TNFRSF21: variants seen among roughly 807,000 people sequenced by gnomAD.
TNFRSF21 encodes the protein TNF receptor superfamily member 21, also known as tumor necrosis factor receptor superfamily member 21.
A neutral mutation model predicts 45.6 loss-of-function variants in TNFRSF21; 19 were observed. The observed-to-expected ratio is 0.42, with a 90% CI of 0.29 to 0.61. The LOEUF is 0.61. TNFRSF21 is among the 20% of genes least tolerant of loss of function. The pLI is 0.23. For synonymous variants in TNFRSF21, 314 were observed against 335.5 expected, an observed-to-expected ratio of 0.94 and a Z score of 0.70; for missense variants, 737 against 851.5, an observed-to-expected ratio of 0.87 and a Z score of 1.67.
At chr6:47,262,380 G>A (rs1765086254) in intron 3 of TNFRSF21, among the ~76,000 whole-genome samples, 1 of 152,192 alleles carries the variant, frequency 6.6e-6, no homozygotes. Context: ...GTCTGAAGCT[G>A]TTAACTTATT....
chr6:47,308,874 G>C (rs1000947913), intron 1 of TNFRSF21, among the ~76,000 whole-genome samples: 2 of 152,248 alleles, frequency 1.3e-5, no homozygotes, highest in Admixed American at 6.5e-5. Flanking sequence ...CGCCCTGCTC[G>C]GGAATGCACC....
chr6:47,236,079 C>A (rs368739722), intron 4 of TNFRSF21, among the ~76,000 whole-genome samples: 5 of 152,162 alleles, frequency 3.3e-5, no homozygotes, highest in East Asian at 1.9e-4. Flanking sequence ...GATGTGACTT[C>A]ATTTTACCAG....
intron 1 of TNFRSF21, among the ~76,000 whole-genome samples, chr6:47,302,986 A>G (rs1309485217): frequency 6.6e-6 from 1 of 152,244 alleles, no homozygotes; most frequent in Non-Finnish European, 1.5e-5. Flanking sequence ...AATGTCAAAG[A>G]TAAGTACTCA....
At chr6:47,264,613 A>G (rs1478797282) in intron 3 of TNFRSF21, among the ~76,000 whole-genome samples, 1 of 152,224 alleles carries the variant, frequency 6.6e-6, no homozygotes, top group African/African-American at 2.4e-5. Context: ...CTGACTCCCA[A>G]GGTCGAAGGC....
chr6:47,289,663 A>G (rs936915139), intron 1 of TNFRSF21, among the ~76,000 whole-genome samples: 2 of 152,262 alleles, frequency 1.3e-5, no homozygotes, highest in South Asian at 4.1e-4. Context: ...GATGCACTGG[A>G]TAAAAGGACC....
At chr6:47,294,175 T>C (rs1276745631) in intron 1 of TNFRSF21, among the ~76,000 whole-genome samples, 4 of 152,192 alleles carry the variant, frequency 2.6e-5, no homozygotes, top group Non-Finnish European at 2.9e-5. Flanking sequence ...GATGGAGTCT[T>C]GCTCTGTCGC....
intron 3 of TNFRSF21, among the ~76,000 whole-genome samples, chr6:47,268,775 C>T (rs555382203): frequency 3.4e-4 from 52 of 152,292 alleles, no homozygotes; most frequent in African/African-American, 1.2e-3. Flanking sequence ...GCAGGTCAGG[C>T]TCTGAGACAT....
At chr6:47,275,917 G>A (rs1762490301) in intron 3 of TNFRSF21, among the ~76,000 whole-genome samples, 1 of 152,258 alleles carries the variant, frequency 6.6e-6, no homozygotes, top group East Asian at 1.9e-4. Context: ...GCACATTGCA[G>A]GACCCCTCAG....
Position 47,309,608 on chromosome 6 carries a change from G to T in TNFRSF21, c.-97C>A, listed in dbSNP as rs1468934356. ...GCGCCGCATCCACCGCCGCCTCCCG[G>T]GCCGGGAGCCCATCTACCTCCAACA... On this transcript the variant is annotated 5_prime_UTR_variant, in exon 1 of 6. Coordinates refer to ENST00000296861, the MANE Select transcript of TNFRSF21 (RefSeq NM_014452.5). 4 of 1,365,866 alleles carry T rather than the reference G, an allele frequency of 2.9e-6. No homozygotes were observed. The highest frequency in any genetic ancestry group is 7.8e-5 in the Admixed American group (2 of 25,522). 84.6% of individuals were successfully genotyped at this position (1,365,866 alleles called of 1,614,324 possible). A position where few individuals can be genotyped will look rare whatever the true frequency, so the allele number is the denominator to read the frequency against.
chr6:47,280,798 T>C (rs1488827477), intron 3 of TNFRSF21, among the ~76,000 whole-genome samples: 1 of 152,220 alleles, frequency 6.6e-6, no homozygotes, highest in Non-Finnish European at 1.5e-5. Context: ...ACTTGCTGTG[T>C]TCTCAAGAAT....
intron 3 of TNFRSF21, among the ~76,000 whole-genome samples, chr6:47,257,615 T>C (rs1172177243): frequency 1.3e-5 from 2 of 152,182 alleles, no homozygotes; most frequent in South Asian, 2.1e-4. Context: ...ATTTGCCAAA[T>C]TGAGATAGTT....
intron 3 of TNFRSF21, among the ~76,000 whole-genome samples, chr6:47,274,639 G>T (rs1762471088): frequency 6.6e-6 from 1 of 152,224 alleles, no homozygotes; most frequent in Non-Finnish European, 1.5e-5. Context: ...TTGACAAATG[G>T]GATCTAATTA....
At chr6:47,277,357 G>A (rs532696694) in intron 3 of TNFRSF21, among the ~76,000 whole-genome samples, 167 of 152,258 alleles carry the variant, frequency 1.1e-3, no homozygotes, top group African/African-American at 3.8e-3. Flanking sequence ...TGACTTAATC[G>A]GGAAACAAAC....
chr6:47,263,941 T>G (rs1762287032), intron 3 of TNFRSF21, among the ~76,000 whole-genome samples: 1 of 152,196 alleles, frequency 6.6e-6, no homozygotes, highest in South Asian at 2.1e-4. Flanking sequence ...TTGTTAAAAT[T>G]TGACACAACA....
intron 3 of TNFRSF21, among the ~76,000 whole-genome samples, chr6:47,271,257 C>A (rs1203119747): frequency 6.6e-6 from 1 of 152,074 alleles, no homozygotes; most frequent in East Asian, 1.9e-4. Flanking sequence ...TTAAGGGGAG[C>A]CAGAGAGAAA....
chr6:47,309,051 G>A (rs1762979125), intron 1 of TNFRSF21, among the ~76,000 whole-genome samples: 1 of 152,190 alleles, frequency 6.6e-6, no homozygotes, highest in South Asian at 2.1e-4. Flanking sequence ...GAGGGGCAGT[G>A]GCCGATGGGT....
intron 1 of TNFRSF21, among the ~76,000 whole-genome samples, chr6:47,292,822 A>C (rs1231967160): frequency 6.6e-6 from 1 of 152,202 alleles, no homozygotes; most frequent in Non-Finnish European, 1.5e-5. Flanking sequence ...TTCACACATA[A>C]TACATACATA....
intron 3 of TNFRSF21, among the ~76,000 whole-genome samples, chr6:47,275,520 G>A (rs1322549330): frequency 6.6e-6 from 1 of 152,114 alleles, no homozygotes; most frequent in Non-Finnish European, 1.5e-5. Context: ...GGCGGACTCG[G>A]GGAAGGATAG....
At chr6:47,251,427 A>G (rs1764899889) in intron 4 of TNFRSF21, among the ~76,000 whole-genome samples, 1 of 152,216 alleles carries the variant, frequency 6.6e-6, no homozygotes, top group Non-Finnish European at 1.5e-5. Context: ...GGAAATAATT[A>G]AGGTGTACAA....
Sources: allele counts gnomAD v4.1 joint callset (sites outside exome capture counted in the v4.1 genomes callset), GRCh38; gene constraint gnomAD v4.1.1; transcripts MANE v1.5; gene names NCBI Gene and HGNC (gene_info 2026-07-23, HGNC 2026-07-21).